Variants in MACF1 observed in about 807,000 individuals in gnomAD.
MACF1 encodes the protein microtubule actin crosslinking factor 1.
MACF1 carries 193 observed loss-of-function variants against 854.8 expected under a neutral mutation model. That is an observed-to-expected ratio of 0.23 (90% CI 0.20 to 0.25). MACF1 has a LOEUF of 0.25. Ranked by LOEUF, MACF1 falls within the 10% of genes least tolerant of loss-of-function variation. MACF1 has a pLI of 1.00. For missense variants in MACF1, 7,722 were observed against 8,929.1 expected (o/e 0.86, Z 5.45); for synonymous variants, 3,185 against 3,226.7 (o/e 0.99, Z 0.44).
At chr1:39,304,725 TG>T in intron 23 of MACF1, 1 of 354,224 alleles carries the variant, frequency 2.8e-6, no homozygotes, top group South Asian at 2.6e-5. Context: ...CACCATGCCC[TG>T]CTAATTTTTT....
Position 39,333,166 on chromosome 1 carries a change from A to C in MACF1, c.6578A>C (p.Lys2193Thr), listed in dbSNP as rs759968019. 5.6e-6 allele frequency: 9 copies of C among 1,613,626 alleles called. No homozygotes were observed. The highest frequency in any genetic ancestry group is 7.6e-6 in the Non-Finnish European group (9 of 1,180,004). Residue 2193 changes from lysine (K) to threonine (T), a missense_variant, in exon 37 of 101, where the codon AAA (lysine) becomes ACA (threonine). Coordinates refer to ENST00000564288, the MANE Select transcript of MACF1 (RefSeq NM_001394062.1). Reference protein sequence around the residue: ...IHDETGGSHIKPQSKKLQVQV... With the variant: ...IHDETGGSHITPQSKKLQVQV... Reference sequence around the variant, plus strand: ...GATGAAACTGGAGGATCTCACATAAAACCCCAAAGCAAAAAGTTACAAGTT... The same window carrying C: ...GATGAAACTGGAGGATCTCACATAACACCCCAAAGCAAAAAGTTACAAGTT...
intron 6 of MACF1, among the ~76,000 whole-genome samples, chr1:39,273,906 A>C (rs1010667209): frequency 2.6e-5 from 4 of 152,190 alleles, no homozygotes; most frequent in African/African-American, 9.7e-5. Flanking sequence ...CTTTTTAAAA[A>C]AATTTTACTT....
intron 99 of MACF1, among the ~76,000 whole-genome samples, chr1:39,482,978 AGGGAGGCTGAGGT>A (rs1189089455): frequency 1.4e-5 from 2 of 147,588 alleles, no homozygotes; most frequent in African/African-American, 5.0e-5. Context: ...GCCAGCCACT[AGGGAGGCTGAGGT>A]GGGAGGATTG....
Position 39,428,069 on chromosome 1 carries a change from G to A in MACF1, c.16585G>A (p.Glu5529Lys). 1 of 1,614,212 alleles carries A rather than the reference G, an allele frequency of 6.2e-7. No individual in the cohort carries two copies. Among genetic ancestry groups the A allele is most frequent in the Non-Finnish European group, 8.5e-7 (1 of 1,180,032 alleles). The stretch of plus-strand genomic sequence containing the variant: ...TCCTGCAGAACAGGGTGTGCTGTCA[G>A]AAAAGATAGACTCATTGCAGGCCCG... ...TSPAEQGVLS[E>K]KIDSLQARYS... Residue 5529 changes from glutamate to lysine, a missense_variant, in exon 63 of 101, where the codon GAA becomes AAA. By Grantham distance (56) the Glu-to-Lys change is moderately conservative. Around this residue, in one of 15 missense-constraint regions of MACF1, gnomAD observed 2,807 missense variants for 3,235.8 expected, o/e 0.87. Transcript: ENST00000564288.
chr1:39,187,982 C>T (rs931748590), intron 2 of MACF1, among the ~76,000 whole-genome samples: 13 of 18,948 alleles, frequency 6.9e-4, no homozygotes, highest in South Asian at 4.4e-3. Flanking sequence ...CCTCCTCTCC[C>T]CTCCCCTCCC....
At position 39,441,078 on chromosome 1, in the gene MACF1, G is replaced by T; in HGVS notation, c.18523G>T (p.Ala6175Ser). 1.2e-6 allele frequency: 2 copies of T among 1,614,204 alleles called. No homozygotes were observed. The highest frequency in any genetic ancestry group is 1.7e-6 in the Non-Finnish European group (2 of 1,180,030). The change falls in exon 73 of 101, where the codon GCC (alanine) becomes TCC (serine). Residue 6175 changes from alanine to serine, a missense_variant. Transcript: ENST00000564288. ...IRILGADLIF[A>S]CGETEKPEVR... ...GATCCTTGGAGCAGATTTGATTTTTGCCTGTGGAGAAACTGAGAAGCCTGA... is the reference window on the plus strand; with the variant it reads ...GATCCTTGGAGCAGATTTGATTTTTTCCTGTGGAGAAACTGAGAAGCCTGA...
intron 2 of MACF1, among the ~76,000 whole-genome samples, chr1:39,233,808 T>TTAA (rs755591226): frequency 1.5e-5 from 1 of 65,770 alleles, no homozygotes; most frequent in East Asian, 4.8e-4. Context: ...ATTTATTTTT[T>TTAA]ATTGATAATT....
intron 2 of MACF1, among the ~76,000 whole-genome samples, chr1:39,153,642 C>A (rs766179599): frequency 2.0e-5 from 3 of 151,440 alleles, no homozygotes; most frequent in Non-Finnish European, 4.4e-5. Context: ...GCTCTTCGTA[C>A]CCTTTTTGCC....
chr1:39,164,860 G>A (rs1261984294), intron 2 of MACF1, among the ~76,000 whole-genome samples: 2 of 152,180 alleles, frequency 1.3e-5, no homozygotes, highest in Non-Finnish European at 2.9e-5. Context: ...TTCTGCCTCT[G>A]GAAGAACTAG....
At chr1:39,104,527 C>T (rs1303039397) in intron 2 of MACF1, among the ~76,000 whole-genome samples, 1 of 152,176 alleles carries the variant, frequency 6.6e-6, no homozygotes, top group African/African-American at 2.4e-5. Flanking sequence ...ACATTTCTCC[C>T]TTTTGATCTC....
chr1:39,415,008 C>T (rs930494824), intron 58 of MACF1, among the ~76,000 whole-genome samples: 35 of 152,262 alleles, frequency 2.3e-4, no homozygotes, highest in African/African-American at 8.2e-4. Context: ...AGGTACCAAG[C>T]GTATAAGATT....
In MACF1 at chr1:39,135,317, G is replaced by A. The variant is rs542229597; in HGVS notation, c.220+50879G>A. Among the ~76,000 whole-genome samples the A allele has an allele frequency of 1.5e-3, 229 of 152,118 alleles. 2 individuals are homozygous for A. The highest frequency in any genetic ancestry group is 5.3e-3 in the African/African-American group (220 of 41,488). On this transcript the variant is annotated intron_variant, in intron 2 of 93. Transcript: ENST00000361689. ...GCTGGAGTGCAATGGTGCGATTTCC[G>A]CTCACTGTAATCTCCGCCTCCTGGG...
Position 39,334,117 on chromosome 1 carries a change from A to G in MACF1, c.7529A>G (p.His2510Arg), listed in dbSNP as rs780532976. The change falls in exon 37 of 101, where the codon CAT becomes CGT. Residue 2510 changes from histidine to arginine, a missense_variant. Physicochemically the swap from His to Arg is conservative, Grantham distance 29. Transcript: ENST00000564288. ...KQVVDGGIIH[H>R]ISGMRLSVDN... ...GTGGTAGATGGAGGTATCATTCACC[A>G]TATATCTGGGATGAGACTTTCTGTT... 25 of 1,614,058 alleles carry G rather than the reference A, an allele frequency of 1.5e-5. No homozygotes were observed. The highest frequency in any genetic ancestry group is 3.3e-5 in the Admixed American group (2 of 60,006).
intron 40 of MACF1, among the ~76,000 whole-genome samples, chr1:39,342,977 C>CA (rs148439924): frequency 0.018 from 2,722 of 152,096 alleles, 89 homozygotes; most frequent in African/African-American, 0.063. Context: ...ACTTTATTTA[C>CA]AAAAAAACAC....
chr1:39,249,132 A>C (rs544750354), intron 2 of MACF1, among the ~76,000 whole-genome samples: 3 of 152,288 alleles, frequency 2.0e-5, no homozygotes, highest in African/African-American at 7.2e-5. Context: ...AGTGACCATA[A>C]CATCTCAGAA....
At chr1:39,280,482 T>A (rs1314655175) in intron 6 of MACF1, among the ~76,000 whole-genome samples, 1 of 151,956 alleles carries the variant, frequency 6.6e-6, no homozygotes, top group East Asian at 1.9e-4. Context: ...TGTTAAGATG[T>A]GGTGCCAGCC....
chr1:39,231,481 G>T (rs1329509127), intron 2 of MACF1, among the ~76,000 whole-genome samples: 1 of 152,052 alleles, frequency 6.6e-6, no homozygotes, highest in Non-Finnish European at 1.5e-5. Flanking sequence ...CCTCCAAAGT[G>T]CTGGGATTAC....
In MACF1 at chr1:39,422,759, A is replaced by G; in HGVS notation, c.16008A>G (p.Glu5336=). 2 of 1,614,224 alleles carry G rather than the reference A, an allele frequency of 1.2e-6. No individual in the cohort carries two copies. Among genetic ancestry groups the G allele is most frequent in the Non-Finnish European group, 1.7e-6 (2 of 1,180,022 alleles). Residue 5336 remains glutamate (E), a synonymous_variant, in exon 60 of 101, where the codon GAA becomes GAG. Transcript: ENST00000564288. The part of the protein sequence containing the change: ...KVAQRIAQLQ[E]ALLHCGKFQD... ...CACAAAGAATTGCACAGCTACAGGA[A>G]GCTTTGTTGCATTGTGGGAAGTTTC... is the stretch of plus-strand genomic sequence containing the variant.
chr1:39,328,973 AG>A (rs1187378062), intron 36 of MACF1, among the ~76,000 whole-genome samples: 10 of 152,210 alleles, frequency 6.6e-5, no homozygotes, highest in Non-Finnish European at 1.3e-4. Context: ...AAGTTCTCAA[AG>A]GGATGTTTTT....
Sources: allele counts gnomAD v4.1 joint callset (sites outside exome capture counted in the v4.1 genomes callset), GRCh38; gene constraint gnomAD v4.1.1; regional missense constraint gnomAD v4.1.1; transcripts MANE v1.5; gene names NCBI Gene and HGNC (gene_info 2026-07-23, HGNC 2026-07-21).